Variants in HSD17B7 observed in about 807,000 individuals in gnomAD.
HSD17B7 encodes 3-keto-steroid reductase/17-beta-hydroxysteroid dehydrogenase 7.
A neutral mutation model predicts 34.1 loss-of-function variants in HSD17B7; 17 were observed. That is an observed-to-expected ratio of 0.50 (90% CI 0.34 to 0.75). The LOEUF (loss-of-function observed/expected upper bound fraction) is 0.75, where lower values mean the gene tolerates loss of function less well. Among genes scored for constraint, HSD17B7 ranks in the 30% least tolerant of loss-of-function variants. The pLI is 0.01. For missense variants in HSD17B7, 296 were observed against 406.6 expected, an observed-to-expected ratio of 0.73 and a Z score of 2.34; for synonymous variants, 122 against 154.6, an observed-to-expected ratio of 0.79 and a Z score of 1.56.
intron 8 of HSD17B7, 50 bp downstream of exon 8, chr1:162,805,542 T>G (rs1463178003): frequency 8.8e-6 from 14 of 1,598,832 alleles, no homozygotes; most frequent in Non-Finnish European, 1.1e-5. Context: ...GGTTGATGAA[T>G]TAAGCCTGTG....
chr1:162,798,128 T>A (rs1385121621), intron 4 of HSD17B7: 1 of 821,372 alleles, frequency 1.2e-6, no homozygotes, highest in Non-Finnish European at 1.7e-6. Context: ...TACTAATAGT[T>A]TTTGATTTAC....
At chr1:162,802,228 C>CT (rs772468598) in intron 5 of HSD17B7, among the ~76,000 whole-genome samples, 3 of 152,112 alleles carry the variant, frequency 2.0e-5, no homozygotes, top group Admixed American at 6.5e-5. Context: ...CTTCTTCTTT[C>CT]TTTTTTGTTT....
intron 8 of HSD17B7, among the ~76,000 whole-genome samples, chr1:162,807,782 G>A (rs573389157): frequency 4.6e-5 from 7 of 152,282 alleles, no homozygotes; most frequent in African/African-American, 1.2e-4. Context: ...CTTTTGAGAA[G>A]TGTCTGTTCA....
Position 162,799,773 on chromosome 1 carries a change from A to T in HSD17B7, c.478A>T (p.Ser160Cys). 1 of 1,613,660 alleles carries T rather than the reference A, an allele frequency of 6.2e-7. No individual in the cohort carries two copies. The highest frequency in any genetic ancestry group is 1.1e-5 in the South Asian group (1 of 91,060). The part of the protein sequence containing the change: ...IRELEPLLCH[S>C]DNPSQLIWTS... ...GGAACTGGAGCCTCTCCTCTGTCAC[A>T]GTGACAATCCATCTCAGCTCATCTG... Residue 160 changes from serine to cysteine, a missense_variant, in exon 5 of 9, where the codon AGT becomes TGT. Coordinates refer to ENST00000254521, the MANE Select transcript of HSD17B7 (RefSeq NM_016371.4).
chr1:162,801,254 A>G (rs140990371), intron 5 of HSD17B7, among the ~76,000 whole-genome samples: 1,889 of 152,246 alleles, frequency 0.012, 30 homozygotes, highest in African/African-American at 0.043. Flanking sequence ...GGATTACAGC[A>G]CTTGCGCCCA....
In HSD17B7 at chr1:162,812,327, A is replaced by C; in HGVS notation, c.933A>C (p.Lys311Asn). The change falls in exon 9 of 9, where the codon AAA becomes AAC. Residue 311 changes from lysine (K) to asparagine (N), a missense_variant. By Grantham distance (94) the Lys-to-Asn change is moderately conservative. Transcript: ENST00000254521. ...KMDLDEDTAE[K>N]FYQKLLELEK... ...ACCTAGATGAAGACACTGCTGAAAA[A>C]TTTTATCAAAAGTTACTGGAACTGG... 1 of 1,612,878 alleles carries C rather than the reference A, an allele frequency of 6.2e-7. No individual in the cohort carries two copies. Among genetic ancestry groups the C allele is most frequent in the Non-Finnish European group, 8.5e-7 (1 of 1,179,510 alleles).
intron 8 of HSD17B7, among the ~76,000 whole-genome samples, chr1:162,811,344 G>A (rs1649164211): frequency 6.6e-6 from 1 of 152,170 alleles, no homozygotes; most frequent in Non-Finnish European, 1.5e-5. Flanking sequence ...GCTTCCCTTT[G>A]TGGGTAACCC....
intron 8 of HSD17B7, among the ~76,000 whole-genome samples, chr1:162,806,961 TTTTC>T (rs1648998987): frequency 6.6e-6 from 1 of 152,194 alleles, no homozygotes; most frequent in African/African-American, 2.4e-5. Flanking sequence ...ATAAATGTTA[TTTTC>T]TTTCTTTTTT....
Position 162,797,901 on chromosome 1 carries a change from T to C in HSD17B7, c.432T>C (p.Phe144=). The change falls in exon 4 of 9, where the codon TTT becomes TTC. Residue 144 remains phenylalanine (F), a synonymous_variant. Coordinates refer to ENST00000254521, the MANE Select transcript of HSD17B7 (RefSeq NM_016371.4). The part of the protein sequence containing the change: ...GLQEVFETNV[F]GHFILIRELE... ...AGGAGGTGTTTGAGACCAATGTCTT[T>C]GGCCATTTTATCCTGGTAAAGAAGC... 6.2e-7 allele frequency: 1 copy of C among 1,613,916 alleles called. No homozygotes were observed. Among genetic ancestry groups the C allele is most frequent in the Non-Finnish European group, 8.5e-7 (1 of 1,179,832 alleles).
At chr1:162,800,078 C>T in intron 5 of HSD17B7, 141 bp downstream of exon 5, 1 of 766,652 alleles carries the variant, frequency 1.3e-6, no homozygotes, top group Non-Finnish European at 2.3e-6. Context: ...AGTGTTAGGG[C>T]AGAGATAATT....
chr1:162,800,825 A>C (rs1231292352), intron 5 of HSD17B7, among the ~76,000 whole-genome samples: 1 of 152,270 alleles, frequency 6.6e-6, no homozygotes, highest in Non-Finnish European at 1.5e-5. Context: ...AAAGTGAAAT[A>C]AGATGATGAT....
intron 2 of HSD17B7, 173 bp downstream of exon 2, chr1:162,793,035 T>TTTTC (rs1648470745): frequency 2.4e-6 from 1 of 423,110 alleles, no homozygotes; most frequent in Non-Finnish European, 3.9e-6. Flanking sequence ...TTCTTTCTTT[T>TTTTC]TTTTTTTTTT....
At chr1:162,809,491 G>C (rs1571011198) in intron 8 of HSD17B7, among the ~76,000 whole-genome samples, 1 of 152,292 alleles carries the variant, frequency 6.6e-6, no homozygotes, top group South Asian at 2.1e-4. Context: ...CATAAAATGA[G>C]TTGGGGAGGA....
Position 162,790,738 on chromosome 1 carries a change from C to A in HSD17B7, c.-63C>A. ...GGTGACGGGTGAGGCGGCCCGAAAT[C>A]GTAGGACTTCCGAAAGCAGCGGCGG... On this transcript the variant is annotated 5_prime_UTR_variant, in exon 1 of 9. Coordinates refer to ENST00000254521, the MANE Select transcript of HSD17B7 (RefSeq NM_016371.4). The A allele has an allele frequency of 9.2e-7, 1 of 1,090,252 alleles. No individual in the cohort carries two copies. Among genetic ancestry groups the A allele is most frequent in the South Asian group, 1.3e-5 (1 of 74,832 alleles). The allele number at this position is 1,090,252 out of a possible 1,614,324, so 67.5% of individuals were successfully genotyped here. A position where few individuals can be genotyped will look rare whatever the true frequency, so the allele number is the denominator to read the frequency against.
intron 8 of HSD17B7, among the ~76,000 whole-genome samples, chr1:162,807,647 CT>C (rs1649030361): frequency 6.6e-6 from 1 of 151,856 alleles, no homozygotes; most frequent in African/African-American, 2.4e-5. Flanking sequence ...TGTTTCCTGA[CT>C]TTTTAATGAT....
chr1:162,794,531 C>T (rs1216321072), intron 2 of HSD17B7, among the ~76,000 whole-genome samples: 3 of 152,000 alleles, frequency 2.0e-5, no homozygotes, highest in Non-Finnish European at 4.4e-5. Context: ...TGATATATTC[C>T]ATATCCCCTA....
At chr1:162,808,598 G>A (rs1439937371) in intron 8 of HSD17B7, among the ~76,000 whole-genome samples, 2 of 152,168 alleles carry the variant, frequency 1.3e-5, no homozygotes, top group Non-Finnish European at 2.9e-5. Context: ...TCCTATCTAT[G>A]AGCATGGAAT....
chr1:162,790,911 G>A, intron 1 of HSD17B7, 76 bp downstream of exon 1: 5 of 1,143,602 alleles, frequency 4.4e-6, no homozygotes, highest in Admixed American at 2.0e-5. Context: ...GACCCTCCAC[G>A]AACGGACCCC....
rs757130488 is a variant in HSD17B7, at chr1:162,799,898, C to A, written c.603C>A (p.Asp201Glu). 1 of 1,614,038 alleles carries A rather than the reference C, an allele frequency of 6.2e-7. No individual in the cohort carries two copies. Among genetic ancestry groups the A allele is most frequent in the Non-Finnish European group, 8.5e-7 (1 of 1,179,988 alleles). The change falls in exon 5 of 9, where the codon GAC becomes GAA. Residue 201 changes from aspartate to glutamate, a missense_variant. By Grantham distance (45) the Asp-to-Glu change is conservative. Coordinates refer to ENST00000254521, the MANE Select transcript of HSD17B7 (RefSeq NM_016371.4). Reference sequence around the variant, plus strand: ...ACAGCTCTTCCAAATATGCCACTGACCTTTTGAGTGTGGCTTTGAACAGGA... The same window carrying A: ...ACAGCTCTTCCAAATATGCCACTGAACTTTTGAGTGTGGCTTTGAACAGGA... The part of the protein sequence containing the change: ...EPYSSSKYAT[D>E]LLSVALNRNF...
Sources: allele counts gnomAD v4.1 joint callset (sites outside exome capture counted in the v4.1 genomes callset), GRCh38; gene constraint gnomAD v4.1.1; transcripts MANE v1.5; gene names NCBI Gene and HGNC (gene_info 2026-07-23, HGNC 2026-07-21).